The following PIK3CG variants were observed in gnomAD, a reference collection of about 807,000 sequenced individuals.
PIK3CG encodes the protein phosphatidylinositol 4,5-bisphosphate 3-kinase catalytic subunit gamma isoform.
PIK3CG carries 55 observed loss-of-function variants against 102.3 expected under a neutral mutation model. The ratio of observed to expected loss-of-function variants is 0.54; its 90% confidence interval spans 0.43 to 0.67. PIK3CG has a LOEUF of 0.67. Ranked by LOEUF, PIK3CG falls within the 30% of genes least tolerant of loss-of-function variation. The pLI is 0.00. For synonymous variants in PIK3CG, 552 were observed against 540.0 expected (o/e 1.02, Z -0.31); for missense variants, 1,258 against 1,391.8 (o/e 0.90, Z 1.53).
chr7:106,875,183 T>C (rs1457359954), intron 5 of PIK3CG, among the ~76,000 whole-genome samples: 1 of 152,052 alleles, frequency 6.6e-6, no homozygotes, highest in African/African-American at 2.4e-5. Context: ...ACCCCGTCTC[T>C]ACTAAAAAAT....
At chr7:106,896,152 C>T (rs1022125830) in intron 10 of PIK3CG, among the ~76,000 whole-genome samples, 1 of 152,176 alleles carries the variant, frequency 6.6e-6, no homozygotes, top group Non-Finnish European at 1.5e-5. Context: ...TCGAGAAAAG[C>T]AGGACAGTTA....
At chr7:106,886,004 T>A in intron 9 of PIK3CG, 131 bp from the exon 10 acceptor site, 1 of 791,502 alleles carries the variant, frequency 1.3e-6, no homozygotes, top group South Asian at 2.1e-5. Flanking sequence ...ACGAAAAATA[T>A]CACAAACTGA....
chr7:106,888,725 A>G (rs1442588969), intron 10 of PIK3CG, among the ~76,000 whole-genome samples: 1 of 152,232 alleles, frequency 6.6e-6, no homozygotes, highest in Non-Finnish European at 1.5e-5. Flanking sequence ...ATACATGTTA[A>G]ATGCCTGTGA....
chr7:106,882,967 G>A (rs1043493105), intron 7 of PIK3CG, 66 bp from the exon 8 acceptor site: 11 of 1,232,446 alleles, frequency 8.9e-6, no homozygotes, highest in East Asian at 2.7e-5. Context: ...CAAAGACATA[G>A]CCTTTCCTCC....
rs2116487536 is a variant in PIK3CG, at chr7:106,872,804, A to G, written c.2153A>G (p.Glu718Gly). Residue 718 changes from glutamate to glycine, a missense_variant, in exon 4 of 11, where the codon GAA becomes GGA. Physicochemically the swap from Glu to Gly is moderately conservative, Grantham distance 98. Transcript: ENST00000496166. This position sits in a 1 kb window ranked among gnomAD's most constrained non-coding sequence, Gnocchi z 5.3. ...HYQQRFAVIL[E>G]AYLRGCGTAM... is the part of the protein sequence containing the mutation. ...CAGCAGAGGTTCGCTGTGATTCTGGAAGCCTATCTGAGGGGCTGTGGCACA... is the reference window on the plus strand; with the variant it reads ...CAGCAGAGGTTCGCTGTGATTCTGGGAGCCTATCTGAGGGGCTGTGGCACA... 6.2e-7 allele frequency: 1 copy of G among 1,614,194 alleles called. No homozygotes were observed.
intron 10 of PIK3CG, among the ~76,000 whole-genome samples, chr7:106,901,938 C>G (rs1791566361): frequency 6.6e-6 from 1 of 152,128 alleles, no homozygotes; most frequent in Admixed American, 6.5e-5. Context: ...CATGTTAACT[C>G]CCAGTTGCAG....
rs2116459903 is a variant in PIK3CG, at chr7:106,869,184, C to A, written c.1623C>A (p.Asp541Glu). Reference protein sequence around the residue: ...KHQPTPDPEGDRVRAEMPNQL... With the variant: ...KHQPTPDPEGERVRAEMPNQL... ...AGCCCACCCCTGACCCGGAAGGGGA[C>A]CGGGTTCGAGCAGAAATGCCCAACC... The change falls in exon 2 of 11, where the codon GAC becomes GAA. Residue 541 changes from aspartate (D) to glutamate (E), a missense_variant. Coordinates refer to ENST00000496166, the MANE Select transcript of PIK3CG (RefSeq NM_001282426.2). The surrounding 1 kb of genome is among the most constrained non-coding windows in gnomAD (Gnocchi z 5.3). The A allele has an allele frequency of 6.2e-7, 1 of 1,614,210 alleles. No individual in the cohort carries two copies. The highest frequency in any genetic ancestry group is 8.5e-7 in the Non-Finnish European group (1 of 1,180,046).
chr7:106,901,190 AG>A (rs1791541122), intron 10 of PIK3CG, among the ~76,000 whole-genome samples: 1 of 149,476 alleles, frequency 6.7e-6, no homozygotes, highest in African/African-American at 2.5e-5. Flanking sequence ...CAGGGATGCC[AG>A]TGATTCGTAG....
At position 106,893,436 on chromosome 7, in the gene PIK3CG, AG is replaced by A. The variant is rs1018178738; in HGVS notation, c.3030+7145del. On this transcript the variant is annotated intron_variant, in intron 10 of 10. Coordinates refer to ENST00000496166, the MANE Select transcript of PIK3CG (RefSeq NM_001282426.2). This position sits in a 1 kb window ranked among gnomAD's most constrained non-coding sequence, Gnocchi z 4.4. ...CAAATTTAAATTACTATTCTGGAAAAGATACGAATCCAAAACTGGAAAGATA... is the reference window on the plus strand; with the variant it reads ...CAAATTTAAATTACTATTCTGGAAAAATACGAATCCAAAACTGGAAAGATA... Among the ~76,000 whole-genome samples the A allele has an allele frequency of 3.9e-5, 6 of 152,208 alleles. No homozygotes were observed. Among genetic ancestry groups the A allele is most frequent in the African/African-American group, 1.4e-4 (6 of 41,446 alleles).
Position 106,883,774 on chromosome 7 carries a change from A to C in PIK3CG, c.2761-381A>C, listed in dbSNP as rs1266308613. 6.6e-6 allele frequency among the ~76,000 whole-genome samples: 1 copy of C among 152,206 alleles called. No homozygotes were observed. Among genetic ancestry groups the C allele is most frequent in the Admixed American group, 6.5e-5 (1 of 15,274 alleles). On this transcript the variant is annotated intron_variant, in intron 8 of 10. Coordinates refer to ENST00000496166, the MANE Select transcript of PIK3CG (RefSeq NM_001282426.2). This position sits in a 1 kb window ranked among gnomAD's most constrained non-coding sequence, Gnocchi z 5.8. ...AGTAGCACTTATTAATCTGTTATAC[A>C]TGGGGATCTGTGAACCCAAGCATAC...
rs1791265985 is a variant in PIK3CG, at chr7:106,891,597, T to G, written c.3030+5305T>G. Among the ~76,000 whole-genome samples, 1 of 152,112 alleles carries G rather than the reference T, an allele frequency of 6.6e-6. No homozygotes were observed. The highest frequency in any genetic ancestry group is 1.5e-5 in the Non-Finnish European group (1 of 68,026). ...ACTCGTTCTTTTATAAACAAGCATT[T>G]TGGAGATGCTCTGTGCACACAGTAG... On this transcript the variant is annotated intron_variant, in intron 10 of 10. Coordinates refer to ENST00000496166, the MANE Select transcript of PIK3CG (RefSeq NM_001282426.2). The surrounding 1 kb of genome is among the most constrained non-coding windows in gnomAD (Gnocchi z 4.4).
rs1423667330 is a variant in PIK3CG, at chr7:106,905,410, CAAGTTAGTGTTCTATGGTTT to C, written c.*26_*45del. 1 of 1,598,744 alleles carries C rather than the reference CAAGTTAGTGTTCTATGGTTT, an allele frequency of 6.3e-7. No individual in the cohort carries two copies. Among genetic ancestry groups the C allele is most frequent in the Non-Finnish European group, 8.5e-7 (1 of 1,170,728 alleles). On this transcript the variant is annotated 3_prime_UTR_variant, in exon 11 of 11. Coordinates refer to ENST00000496166, the MANE Select transcript of PIK3CG (RefSeq NM_001282426.2). The surrounding 1 kb of genome is among the most constrained non-coding windows in gnomAD (Gnocchi z 5.6). ...TAATACTTTAGGCTAGAATCAAAAA[CAAGTTAGTGTTCTATGGTTT>C]AAATTAGCATAGCAATCATCGAACT...
intron 10 of PIK3CG, among the ~76,000 whole-genome samples, chr7:106,898,555 A>G (rs889243596): frequency 6.6e-6 from 1 of 152,178 alleles, no homozygotes; most frequent in African/African-American, 2.4e-5. Flanking sequence ...TGATGTTTGT[A>G]TATGGTATAA....
At chr7:106,901,485 T>C (rs529034195) in intron 10 of PIK3CG, among the ~76,000 whole-genome samples, 2 of 152,370 alleles carry the variant, frequency 1.3e-5, no homozygotes, top group East Asian at 3.9e-4. Flanking sequence ...CTTATTTTCC[T>C]TGGATTGGGT....
intron 4 of PIK3CG, among the ~76,000 whole-genome samples, chr7:106,873,599 A>G (rs1262087476): frequency 1.3e-5 from 2 of 152,206 alleles, no homozygotes; most frequent in Non-Finnish European, 2.9e-5. Context: ...GAGGAAGTGC[A>G]TAGGTCATAT....
intron 1 of PIK3CG, 155 bp downstream of exon 1, chr7:106,865,581 G>T (rs1298660084): frequency 1.3e-5 from 2 of 152,142 alleles, no homozygotes; most frequent in Non-Finnish European, 2.9e-5. Flanking sequence ...CTGTATTGTG[G>T]ATATCTACAA....
rs1178435080 is a variant in PIK3CG at position 106,883,216 on chromosome 7, A to G, written c.2760+53A>G. 20 of 1,595,580 alleles carry G rather than the reference A, an allele frequency of 1.3e-5. No homozygotes were observed. The highest frequency in any genetic ancestry group is 2.7e-5 in the African/African-American group (2 of 74,422). Reference sequence around the variant, plus strand: ...TGGCTCCTTACAAGTTGTCATTTATATAGCAGTAGTGGCTTCAAGTTTTCA... The same window carrying G: ...TGGCTCCTTACAAGTTGTCATTTATGTAGCAGTAGTGGCTTCAAGTTTTCA... On this transcript the variant is annotated intron_variant, in intron 8 of 10. Transcript: ENST00000496166. The surrounding 1 kb of genome is among the most constrained non-coding windows in gnomAD (Gnocchi z 5.8).
At chr7:106,896,120 C>A (rs547062855) in intron 10 of PIK3CG, among the ~76,000 whole-genome samples, 10 of 152,308 alleles carry the variant, frequency 6.6e-5, no homozygotes, top group African/African-American at 2.2e-4. Context: ...AACAGAAATT[C>A]TTTATGTGAG....
rs1260052707 is a variant in PIK3CG at position 106,891,580 on chromosome 7, T to G, written c.3030+5288T>G. On this transcript the variant is annotated intron_variant, in intron 10 of 10. Transcript: ENST00000496166. The surrounding 1 kb of genome is among the most constrained non-coding windows in gnomAD (Gnocchi z 4.4). ...GATAAAGGGCAGGAACAACTCGTTC[T>G]TTTATAAACAAGCATTTTGGAGATG... 6.6e-6 allele frequency among the ~76,000 whole-genome samples: 1 copy of G among 152,206 alleles called. No individual in the cohort carries two copies. Among genetic ancestry groups the G allele is most frequent in the Non-Finnish European group, 1.5e-5 (1 of 68,046 alleles).
Sources: allele counts gnomAD v4.1 joint callset (sites outside exome capture counted in the v4.1 genomes callset), GRCh38; gene constraint gnomAD v4.1.1; non-coding constraint Gnocchi (gnomAD v3.1); transcripts MANE v1.5; gene names NCBI Gene and HGNC (gene_info 2026-07-23, HGNC 2026-07-21).